Variants in DOCK7 observed in about 807,000 individuals in gnomAD.
DOCK7 encodes the protein dedicator of cytokinesis protein 7.
DOCK7 carries 138 observed loss-of-function variants against 271.0 expected under a neutral mutation model. That is an observed-to-expected ratio of 0.51 (90% confidence interval 0.44 to 0.59). The LOEUF (loss-of-function observed/expected upper bound fraction) is 0.59, where lower values mean the gene tolerates loss of function less well. Among genes scored for constraint, DOCK7 ranks in the 20% least tolerant of loss-of-function variants. DOCK7 has a pLI of 0.00. For missense variants in DOCK7, 2,066 were observed against 2,592.4 expected (o/e 0.80, Z 4.41); for synonymous variants, 823 against 876.1 (o/e 0.94, Z 1.07).
rs762097710 is a variant in DOCK7 at position 62,602,319 on chromosome 1, T to G, written c.1683-15695A>C. ...GGACATTAATTCAACATCGAATAGA[T>G]GGATCACAAAACTTCAATGAAACGT... On this transcript the variant is annotated intron_variant, in intron 14 of 49. Coordinates refer to ENST00000635253, the MANE Select transcript of DOCK7 (RefSeq NM_001367561.1). 3 of 1,610,742 alleles carry G rather than the reference T, an allele frequency of 1.9e-6. No individual in the cohort carries two copies. In the African/African-American group the frequency reaches 4.0e-5, roughly 22 times the overall value.
intron 29 of DOCK7, among the ~76,000 whole-genome samples, chr1:62,532,973 C>G (rs1169852608): frequency 6.6e-6 from 1 of 152,042 alleles, no homozygotes; most frequent in Non-Finnish European, 1.5e-5. Flanking sequence ...GAGGCTCCAG[C>G]CTTAGGATAA....
At chr1:62,585,049 T>C (rs1205336851) in intron 15 of DOCK7, among the ~76,000 whole-genome samples, 1 of 152,190 alleles carries the variant, frequency 6.6e-6, no homozygotes, top group Non-Finnish European at 1.5e-5. Context: ...TTTCATCAAC[T>C]ATCATAGTAC....
At chr1:62,529,535 T>C (rs1571417681) in intron 29 of DOCK7, 89 bp from the exon 30 acceptor site, 1 of 1,023,914 alleles carries the variant, frequency 9.8e-7, no homozygotes, top group South Asian at 2.9e-5. Flanking sequence ...AGTCATGGTA[T>C]TGAATAAATT....
chr1:62,590,514 T>C (rs1384823209), intron 14 of DOCK7, among the ~76,000 whole-genome samples: 1 of 152,150 alleles, frequency 6.6e-6, no homozygotes, highest in Non-Finnish European at 1.5e-5. Context: ...TGATAGGTAC[T>C]GAGAATAGAG....
chr1:62,664,471 G>C (rs550341179), intron 1 of DOCK7, among the ~76,000 whole-genome samples: 1 of 152,088 alleles, frequency 6.6e-6, no homozygotes, highest in East Asian at 1.9e-4. Flanking sequence ...TGATTGTGAG[G>C]CCTCCCCAGC....
At chr1:62,477,065 T>A (rs1645988286) in intron 44 of DOCK7, 1 of 152,120 alleles carries the variant, frequency 6.6e-6, no homozygotes, top group South Asian at 2.1e-4. Flanking sequence ...GGGTCTGAGG[T>A]TCTGCATTTC....
rs1280240545 is a variant in DOCK7, at chr1:62,487,301, G to A, written c.5508+97C>T. 3.3e-6 allele frequency: 4 copies of A among 1,199,316 alleles called. No homozygotes were observed. In the East Asian group the frequency reaches 9.4e-5, roughly 28 times the overall value. The allele number at this position is 1,199,316 out of a possible 1,614,324, so 74.3% of individuals were successfully genotyped here. On this transcript the variant is annotated intron_variant, in intron 43 of 49. Transcript: ENST00000635253. ...ATTCAGTTGATAGCAGATAGCAACA[G>A]AATGCCCACAGCTAGCACATGTGGG...
chr1:62,675,310 G>A (rs1216352544), intron 1 of DOCK7, among the ~76,000 whole-genome samples: 1 of 152,030 alleles, frequency 6.6e-6, no homozygotes. Context: ...GGTTGAGCTG[G>A]GAAGATAGCT....
chr1:62,612,427 C>T (rs79502730), intron 14 of DOCK7, among the ~76,000 whole-genome samples: 1,714 of 152,114 alleles, frequency 0.011, 16 homozygotes, highest in Non-Finnish European at 0.018. Context: ...AGCTAATACA[C>T]GTGGGGCTTA....
chr1:62,525,295 C>T (rs1644973379), intron 31 of DOCK7, among the ~76,000 whole-genome samples: 1 of 152,032 alleles, frequency 6.6e-6, no homozygotes, highest in Non-Finnish European at 1.5e-5. Flanking sequence ...AGGCGTGAGC[C>T]ACCATGCCTG....
intron 11 of DOCK7, among the ~76,000 whole-genome samples, chr1:62,625,947 T>C (rs1425265865): frequency 1.3e-5 from 2 of 152,146 alleles, no homozygotes; most frequent in African/African-American, 4.8e-5. Context: ...TACATTCTTG[T>C]CAAGCACTTA....
At chr1:62,620,077 T>A (rs1652962797) in intron 12 of DOCK7, 84 bp from the exon 13 acceptor site, 1 of 1,101,382 alleles carries the variant, frequency 9.1e-7, no homozygotes, top group Non-Finnish European at 1.3e-6. Context: ...CCTAGCACTT[T>A]GGGAGGCTGA....
At chr1:62,563,409 T>C (rs1210592281) in intron 18 of DOCK7, among the ~76,000 whole-genome samples, 2 of 152,030 alleles carry the variant, frequency 1.3e-5, no homozygotes, top group Admixed American at 6.6e-5. Flanking sequence ...ACACCAATAC[T>C]AAGATGACAT....
At position 62,474,010 on chromosome 1, in the gene DOCK7, G is replaced by A. The variant is rs778159924; in HGVS notation, c.6184C>T (p.Arg2062Ter). 6.2e-7 allele frequency: 1 copy of A among 1,613,790 alleles called. No individual in the cohort carries two copies. The highest frequency in any genetic ancestry group is 1.1e-5 in the South Asian group (1 of 91,022). ...PKLFRHHNKLRLCFKDFTKRC... is the reference protein window; with the variant it reads ...PKLFRHHNKL ...TTAGTAAAATCTTTAAAGCAGAGTC[G>A]CAGTTTATTATGATGTCTGAAGAGC... is the stretch of plus-strand genomic sequence containing the variant. Residue 2062 changes from arginine (R) to a stop codon, truncating the protein, a stop_gained, in exon 48 of 50, where the codon CGA becomes TGA. Coordinates refer to ENST00000635253, the MANE Select transcript of DOCK7 (RefSeq NM_001367561.1). LOFTEE classifies it high-confidence loss of function.
intron 11 of DOCK7, 105 bp from the exon 12 acceptor site, chr1:62,625,506 C>T (rs571300377): frequency 1.8e-6 from 2 of 1,129,460 alleles, no homozygotes; most frequent in African/African-American, 3.1e-5. Context: ...AAATTACCCA[C>T]TCAGCATATC....
At chr1:62,580,411 T>C (rs139360443) in intron 16 of DOCK7, among the ~76,000 whole-genome samples, 165 of 152,298 alleles carry the variant, frequency 1.1e-3, no homozygotes, top group African/African-American at 3.6e-3. Context: ...TCAGATGGCA[T>C]AGTCATTTTA....
At chr1:62,647,465 G>A (rs141870811) in intron 7 of DOCK7, among the ~76,000 whole-genome samples, 1 of 152,260 alleles carries the variant, frequency 6.6e-6, no homozygotes, top group East Asian at 1.9e-4. Flanking sequence ...TTGACTTTAT[G>A]TTTGCTACAC....
intron 14 of DOCK7, chr1:62,601,107 C>T: frequency 6.2e-7 from 1 of 1,607,112 alleles, no homozygotes; most frequent in Non-Finnish European, 8.5e-7. Flanking sequence ...ATTCAAGAAC[C>T]CACAGAAATT....
chr1:62,555,974 G>A lies in DOCK7; in HGVS notation c.2447C>T (p.Ala816Val). ...AATTGATGCCATGGCTTCAAAAGAT[G>A]CTTGACCTAGGTTAACTTTTAAGAA... Reference protein sequence around the residue: ...IAGQIVNLGQASFEAMASIIN... With the variant: ...IAGQIVNLGQVSFEAMASIIN... The change falls in exon 21 of 50, where the codon GCA becomes GTA. Residue 816 changes from alanine to valine, a missense_variant. By Grantham distance (64) the Ala-to-Val change is moderately conservative. Around this residue, in one of 2 missense-constraint regions of DOCK7, gnomAD observed 1,414 missense variants for 1,670.4 expected, o/e 0.85. Coordinates refer to ENST00000635253, the MANE Select transcript of DOCK7 (RefSeq NM_001367561.1). 1 of 1,613,490 alleles carries A rather than the reference G, an allele frequency of 6.2e-7. No individual in the cohort carries two copies.
Sources: gnomAD v4.1 joint callset for allele counts (sites outside exome capture counted in the v4.1 genomes callset) on GRCh38, gnomAD v4.1.1 for gene constraint, gnomAD v4.1.1 regional missense constraint, MANE v1.5 for transcripts, NCBI Gene and HGNC (gene_info 2026-07-23, HGNC 2026-07-21) for gene names.